Variants in GNA14 observed in about 807,000 individuals in gnomAD.
The protein encoded by GNA14 is G protein subunit alpha 14.
Under a neutral mutation model 42.0 loss-of-function variants are expected in GNA14, and 50 were observed. The ratio of observed to expected loss-of-function variants is 1.19; its 90% confidence interval spans 0.95 to 1.51. The LOEUF (loss-of-function observed/expected upper bound fraction) is 1.51. Ranked by LOEUF, GNA14 falls within the 40% of genes most tolerant of loss-of-function variation. The pLI, the probability that GNA14 is intolerant of heterozygous loss-of-function variation, is 0.00. For synonymous variants in GNA14, 173 were observed against 163.1 expected (o/e 1.06, Z -0.46); for missense variants, 473 against 446.2 (o/e 1.06, Z -0.54).
intron 2 of GNA14, among the ~76,000 whole-genome samples, chr9:77,488,784 T>TAAAAAAAAA (rs67416479): frequency 3.4e-3 from 182 of 53,670 alleles, no homozygotes; most frequent in Non-Finnish European, 3.8e-3. Flanking sequence ...CACACCTAAT[T>TAAAAAAAAA]AAAAAAAAAA....
At chr9:77,577,428 A>G (rs1823145757) in intron 1 of GNA14, among the ~76,000 whole-genome samples, 1 of 152,150 alleles carries the variant, frequency 6.6e-6, no homozygotes, top group Non-Finnish European at 1.5e-5. Context: ...CTCCATCTAT[A>G]TCGATATTTA....
intron 1 of GNA14, among the ~76,000 whole-genome samples, chr9:77,580,052 C>T (rs1181234107): frequency 6.6e-6 from 1 of 152,174 alleles, no homozygotes; most frequent in African/African-American, 2.4e-5. Flanking sequence ...CTTCCACTCT[C>T]ATTTAATATA....
intron 2 of GNA14, among the ~76,000 whole-genome samples, chr9:77,458,323 CTT>C (rs1836043104): frequency 6.6e-6 from 1 of 152,142 alleles, no homozygotes; most frequent in Non-Finnish European, 1.5e-5. Context: ...CCTGGGAACT[CTT>C]TGCAGCCTGG....
chr9:77,433,327 T>C (rs1835588092), intron 3 of GNA14, among the ~76,000 whole-genome samples: 1 of 152,150 alleles, frequency 6.6e-6, no homozygotes, highest in East Asian at 1.9e-4. Context: ...ATCAAACTAT[T>C]TACCCGGTGA....
chr9:77,465,451 T>C (rs1425716371), intron 2 of GNA14, among the ~76,000 whole-genome samples: 1 of 152,244 alleles, frequency 6.6e-6, no homozygotes, highest in Admixed American at 6.5e-5. Flanking sequence ...ACTTTTTGGC[T>C]ATGAGCATTC....
intron 2 of GNA14, among the ~76,000 whole-genome samples, chr9:77,443,354 A>C (rs1835766403): frequency 6.6e-6 from 1 of 152,126 alleles, no homozygotes; most frequent in Admixed American, 6.6e-5. Context: ...CTTTTGATCA[A>C]TTTTCATCTT....
chr9:77,599,280 G>GTT (rs1823515382), intron 1 of GNA14, among the ~76,000 whole-genome samples: 3 of 152,294 alleles, frequency 2.0e-5, no homozygotes, highest in African/African-American at 7.2e-5. Flanking sequence ...CATCTTTGTT[G>GTT]TTTGAATTTA....
At chr9:77,551,035 C>T (rs1837780161) in intron 1 of GNA14, among the ~76,000 whole-genome samples, 1 of 152,210 alleles carries the variant, frequency 6.6e-6, no homozygotes, top group Admixed American at 6.5e-5. Context: ...TGGTCTTCCC[C>T]TACCCCTGCC....
At chr9:77,594,010 G>T (rs1293175623) in intron 1 of GNA14, among the ~76,000 whole-genome samples, 2 of 152,164 alleles carry the variant, frequency 1.3e-5, no homozygotes, top group Non-Finnish European at 2.9e-5. Context: ...TTTGCCTAAT[G>T]TATCAGAATC....
At chr9:77,623,160 T>C (rs1204700971) in intron 1 of GNA14, among the ~76,000 whole-genome samples, 7 of 121,990 alleles carry the variant, frequency 5.7e-5, no homozygotes, top group Non-Finnish European at 3.2e-5. Flanking sequence ...GAGGTTGCAG[T>C]GAACCAAGAT....
At position 77,640,880 on chromosome 9, in the gene GNA14, A is replaced by AC. The variant is rs2118031843; in HGVS notation, c.124+6789_124+6790insG. 2.0e-5 allele frequency among the ~76,000 whole-genome samples: 3 copies of AC among 147,790 alleles called. No homozygotes were observed. The Admixed American group carries it at 2.1e-4, about 10-fold the overall frequency. On this transcript the variant is annotated intron_variant, in intron 1 of 6. Transcript: ENST00000341700. Reference sequence around the variant, plus strand: ...AAAACAATAAAATGCTCAAAAAAAAAAAAAAAAAAAAACAACAGACAGAGG... The same window carrying AC: ...AAAACAATAAAATGCTCAAAAAAAAACAAAAAAAAAAAACAACAGACAGAGG...
intron 1 of GNA14, among the ~76,000 whole-genome samples, chr9:77,542,416 G>C (rs1596424): frequency 0.11 from 16,252 of 152,206 alleles, 927 homozygotes; most frequent in Middle Eastern, 0.16. Context: ...GCAGGCCTTA[G>C]TGGTGGGAGC....
At chr9:77,563,000 A>T (rs550132983) in intron 1 of GNA14, among the ~76,000 whole-genome samples, 55 of 152,284 alleles carry the variant, frequency 3.6e-4, no homozygotes, top group Non-Finnish European at 6.9e-4. Flanking sequence ...CTGGGAGCAA[A>T]CATAGGTACC....
intron 2 of GNA14, among the ~76,000 whole-genome samples, chr9:77,470,193 G>A (rs1037597335): frequency 3.3e-5 from 5 of 152,146 alleles, no homozygotes; most frequent in African/African-American, 7.2e-5. Flanking sequence ...ACCTCTGGGT[G>A]GGGAGGACTG....
intron 2 of GNA14, among the ~76,000 whole-genome samples, chr9:77,499,753 G>C (rs1836935173): frequency 6.6e-6 from 1 of 152,124 alleles, no homozygotes; most frequent in East Asian, 1.9e-4. Flanking sequence ...AGGAGGCTGA[G>C]GCAGGAGAAT....
intron 1 of GNA14, among the ~76,000 whole-genome samples, chr9:77,592,165 G>A (rs1157917884): frequency 2.0e-5 from 3 of 152,088 alleles, no homozygotes; most frequent in Non-Finnish European, 2.9e-5. Flanking sequence ...GCCTCCCAAA[G>A]TTCTGGGATT....
intron 2 of GNA14, among the ~76,000 whole-genome samples, chr9:77,522,753 G>T (rs12338991): frequency 0.014 from 2,165 of 152,218 alleles, 63 homozygotes; most frequent in African/African-American, 0.049. Flanking sequence ...TGGCATTGGC[G>T]TAGCAGCCCC....
intron 1 of GNA14, among the ~76,000 whole-genome samples, chr9:77,603,829 G>A (rs1286943288): frequency 1.3e-5 from 2 of 151,362 alleles, no homozygotes; most frequent in Non-Finnish European, 2.9e-5. Context: ...TTAGCCAGGC[G>A]TGGTGGCGGG....
Position 77,425,596 on chromosome 9 carries a change from G to T in GNA14, c.843C>A (p.Tyr281Ter). 1.2e-6 allele frequency: 2 copies of T among 1,608,238 alleles called. No homozygotes were observed. Among genetic ancestry groups the T allele is most frequent in the Admixed American group, 1.7e-5 (1 of 59,806 alleles). ...KKDLLEEKIM[Y>*]SHLISYFPEY... ...CTGGGAAATAGCTAATTAGATGAGA[G>T]TACATGATTTTCTCTTCCAAAAGAT... Residue 281 changes from tyrosine (Y) to a stop codon, truncating the protein, a stop_gained, in exon 6 of 7, where the codon TAC becomes TAA. Transcript: ENST00000341700. LOFTEE classifies it high-confidence loss of function.
Sources: allele counts gnomAD v4.1 joint callset (sites outside exome capture counted in the v4.1 genomes callset), GRCh38; gene constraint gnomAD v4.1.1; transcripts MANE v1.5; gene names NCBI Gene and HGNC (gene_info 2026-07-23, HGNC 2026-07-21).